The following TAFA2 variants were observed in gnomAD, a reference collection of about 807,000 sequenced individuals.
TAFA2 encodes chemokine-like protein TAFA-2.
In TAFA2, 7 loss-of-function variants were observed where a neutral mutation model predicts 18.8. That is an observed-to-expected ratio of 0.37 (90% CI 0.21 to 0.70). The LOEUF is 0.70. TAFA2 is among the 30% of genes least tolerant of loss of function. The pLI is 0.53. For synonymous variants in TAFA2, 60 were observed against 54.2 expected (o/e 1.11, Z -0.47); for missense variants, 122 against 158.1 (o/e 0.77, Z 1.23).
intron 1 of TAFA2, among the ~76,000 whole-genome samples, chr12:61,906,873 C>G (rs1248312523): frequency 1.3e-5 from 2 of 152,168 alleles, no homozygotes; most frequent in African/African-American, 2.4e-5. Flanking sequence ...TGCCCCTGCT[C>G]TAGAGATCTG....
chr12:61,851,979 G>A (rs950079499), intron 2 of TAFA2, among the ~76,000 whole-genome samples: 2 of 151,640 alleles, frequency 1.3e-5, no homozygotes, highest in Admixed American at 1.3e-4. Flanking sequence ...AGGCCGAGGG[G>A]GGCAGAGCAC....
At chr12:62,041,613 T>C (rs1881758255) in intron 1 of TAFA2, among the ~76,000 whole-genome samples, 1 of 152,182 alleles carries the variant, frequency 6.6e-6, no homozygotes, top group Non-Finnish European at 1.5e-5. Context: ...TGAACAACTT[T>C]AACTGGTCAT....
chr12:61,810,960 T>C (rs1871842478), intron 2 of TAFA2, among the ~76,000 whole-genome samples: 2 of 151,086 alleles, frequency 1.3e-5, no homozygotes, highest in African/African-American at 2.5e-5. Flanking sequence ...ACTGTTTACA[T>C]TGGGTTAATC....
At chr12:61,837,672 G>A (rs1448351229) in intron 2 of TAFA2, among the ~76,000 whole-genome samples, 1 of 151,958 alleles carries the variant, frequency 6.6e-6, no homozygotes, top group Non-Finnish European at 1.5e-5. Context: ...GAGACTTGGT[G>A]TTCAGTGCTG....
At chr12:62,076,691 A>G (rs1389304263) in intron 1 of TAFA2, among the ~76,000 whole-genome samples, 1 of 152,208 alleles carries the variant, frequency 6.6e-6, no homozygotes, top group East Asian at 1.9e-4. Flanking sequence ...AGGGAATAAA[A>G]CAATAGCTTC....
upstream of TAFA2, among the ~76,000 whole-genome samples, chr12:62,193,020 A>G (rs551916197): frequency 2.0e-4 from 31 of 152,338 alleles, no homozygotes; most frequent in African/African-American, 6.5e-4. Flanking sequence ...AGCCCTATTA[A>G]GCAAAGCCCT....
chr12:61,946,618 AC>A (rs748304409), intron 1 of TAFA2, among the ~76,000 whole-genome samples: 133 of 2,160 alleles, frequency 0.062, 8 homozygotes, highest in East Asian at 0.2. Flanking sequence ...CAAGAAAAAA[AC>A]AAACAACCCC....
intron 1 of TAFA2, among the ~76,000 whole-genome samples, chr12:62,125,151 TC>T (rs1390393265): frequency 6.6e-6 from 1 of 152,112 alleles, no homozygotes; most frequent in Non-Finnish European, 1.5e-5. Flanking sequence ...AGACGTTCAC[TC>T]CCTCTGCAGA....
chr12:62,226,086 G>A (rs2062785125), intron 1 of TAFA2, among the ~76,000 whole-genome samples: 2 of 152,044 alleles, frequency 1.3e-5, no homozygotes, highest in Non-Finnish European at 2.9e-5. Flanking sequence ...CTCTTTCTAA[G>A]ATGTTCATAG....
chr12:61,887,689 GT>G (rs1367222323), intron 1 of TAFA2, among the ~76,000 whole-genome samples: 1 of 148,498 alleles, frequency 6.7e-6, no homozygotes, highest in Non-Finnish European at 1.5e-5. Context: ...GCAGTGTTTG[GT>G]TTTTTGTTCT....
At chr12:62,059,561 T>A (rs1882290484) in intron 1 of TAFA2, among the ~76,000 whole-genome samples, 1 of 152,094 alleles carries the variant, frequency 6.6e-6, no homozygotes, top group Admixed American at 6.5e-5. Context: ...GGTTGCTGTT[T>A]TATAATACAT....
chr12:62,125,177 AT>A (rs199752321), intron 1 of TAFA2, among the ~76,000 whole-genome samples: 1 of 152,104 alleles, frequency 6.6e-6, no homozygotes, highest in Non-Finnish European at 1.5e-5. Flanking sequence ...TATACCTTTT[AT>A]TTTTTTAAAA....
intron 2 of TAFA2, among the ~76,000 whole-genome samples, chr12:61,818,353 A>G (rs1245211529): frequency 1.3e-5 from 2 of 152,136 alleles, no homozygotes; most frequent in East Asian, 1.9e-4. Flanking sequence ...GATAAGTAAC[A>G]TAACTTCTCA....
chr12:61,971,283 T>C (rs981235626), intron 1 of TAFA2, among the ~76,000 whole-genome samples: 5 of 151,634 alleles, frequency 3.3e-5, no homozygotes, highest in African/African-American at 1.2e-4. Context: ...TACTCTTGAA[T>C]CCACACAAAG....
chr12:62,251,553 T>C (rs1029315745), intron 1 of TAFA2, among the ~76,000 whole-genome samples: 16 of 152,190 alleles, frequency 1.1e-4, no homozygotes, highest in African/African-American at 2.4e-5. Flanking sequence ...GAAAGCAGAC[T>C]CTGAGATGGA....
intron 4 of TAFA2, among the ~76,000 whole-genome samples, chr12:61,743,045 A>G (rs1010330660): frequency 3.3e-5 from 5 of 151,964 alleles, no homozygotes; most frequent in African/African-American, 1.2e-4. Flanking sequence ...ATCTTTTAAC[A>G]TGGTATTTAA....
At chr12:61,776,289 A>G in intron 2 of TAFA2, 1 of 191,370 alleles carries the variant, frequency 5.2e-6, no homozygotes, top group South Asian at 9.7e-5. Context: ...AGAGAAATAA[A>G]GGTACCTAGG....
intron 1 of TAFA2, among the ~76,000 whole-genome samples, chr12:61,988,918 C>G (rs1025358785): frequency 1.3e-5 from 2 of 152,152 alleles, no homozygotes; most frequent in Non-Finnish European, 2.9e-5. Flanking sequence ...TTCATGGAAA[C>G]AATCCAACCT....
chr12:62,258,775 C>G (rs2062957712), exon 1 of TAFA2: 1 of 369,070 alleles, frequency 2.7e-6, no homozygotes, highest in African/African-American at 2.2e-5. Context: ...CCATGTAGCT[C>G]CAATATATGT....
Sources: allele counts gnomAD v4.1 joint callset (sites outside exome capture counted in the v4.1 genomes callset), GRCh38; gene constraint gnomAD v4.1.1; transcripts MANE v1.5; gene names NCBI Gene and HGNC (gene_info 2026-07-23, HGNC 2026-07-21).